The following HIVEP3 variants were observed in gnomAD, a reference collection of about 807,000 sequenced individuals.
The protein encoded by HIVEP3 is HIVEP zinc finger 3.
Under a neutral mutation model 152.8 loss-of-function variants are expected in HIVEP3, and 49 were observed. The ratio of observed to expected loss-of-function variants is 0.32; its 90% CI spans 0.26 to 0.41. The LOEUF is 0.41. Ranked by LOEUF, HIVEP3 falls within the 10% of genes least tolerant of loss-of-function variation. The pLI, the probability that HIVEP3 is intolerant of heterozygous loss-of-function variation, is 1.00. For missense variants in HIVEP3, 2,790 were observed against 3,103.3 expected (o/e 0.90, Z 2.40); for synonymous variants, 1,269 against 1,289.0 (o/e 0.98, Z 0.33).
rs1382886199 is a variant in HIVEP3, at chr1:41,970,003, A to C, written n.120-51479T>G. ...AAACCACAATGAGATACCATTTCAC[A>C]TGAGTTAGAATGGTGATTATTAAAA... On this transcript the variant is annotated intron_variant and non_coding_transcript_variant, in intron 1 of 3. Coordinates refer to the HIVEP3 transcript ENST00000489103. Among the ~76,000 whole-genome samples, 9 of 152,360 alleles carry C rather than the reference A, an allele frequency of 5.9e-5. No homozygotes were observed. In the East Asian group the frequency reaches 1.7e-3, roughly 29 times the overall value.
chr1:41,706,212 C>T (rs1001130539), intron 1 of HIVEP3, among the ~76,000 whole-genome samples: 7 of 152,190 alleles, frequency 4.6e-5, no homozygotes, highest in Non-Finnish European at 1.0e-4. Flanking sequence ...TACCCCCTTT[C>T]CTCCCTGTCC....
intron 1 of HIVEP3, among the ~76,000 whole-genome samples, chr1:41,712,320 C>G (rs1229285020): frequency 6.6e-6 from 1 of 152,222 alleles, no homozygotes; most frequent in East Asian, 1.9e-4. Context: ...AAAGATGCGC[C>G]CACTGCTTGT....
chr1:41,888,202 ATTTT>A (rs61561436), intron 1 of HIVEP3, among the ~76,000 whole-genome samples: 3,653 of 99,248 alleles, frequency 0.037, 73 homozygotes, highest in African/African-American at 0.078. Flanking sequence ...CGCCCGGCTA[ATTTT>A]TTTTTTTTTT....
chr1:41,600,628 C>T (rs552900103), intron 3 of HIVEP3, among the ~76,000 whole-genome samples: 7 of 152,110 alleles, frequency 4.6e-5, no homozygotes, highest in South Asian at 2.1e-4. Flanking sequence ...AGATTGGTTG[C>T]GCAGCAATGT....
intron 1 of HIVEP3, among the ~76,000 whole-genome samples, chr1:42,004,163 G>A (rs1484860542): frequency 6.6e-6 from 1 of 152,148 alleles, no homozygotes; most frequent in Non-Finnish European, 1.5e-5. Flanking sequence ...GGAAAGAGGA[G>A]AGGAAAACAA....
At position 41,575,182 on chromosome 1, in the gene HIVEP3, T is replaced by C. The variant is rs114803334; in HGVS notation, c.5207+362A>G. On this transcript the variant is annotated intron_variant, in intron 5 of 8. Transcript: ENST00000372583. ...CAGTACAGAGATGACTTTTGGAGAA[T>C]ACATGTCAAGAGAGACAGAAGTCTG... Among the ~76,000 whole-genome samples the C allele has an allele frequency of 7.4e-3, 1,125 of 152,208 alleles. 17 individuals are homozygous for C. Among genetic ancestry groups the C allele is most frequent in the African/African-American group, 0.026 (1,090 of 41,512 alleles).
chr1:41,584,051 G>T lies in HIVEP3; in HGVS notation c.747C>A (p.Gly249=). The T allele has an allele frequency of 6.2e-7, 1 of 1,614,200 alleles. No individual in the cohort carries two copies. Residue 249 remains glycine, a synonymous_variant, in exon 4 of 9, where the codon GGC becomes GGA. Coordinates refer to ENST00000372583, the MANE Select transcript of HIVEP3 (RefSeq NM_024503.5). This position sits in a 1 kb window ranked among gnomAD's most constrained non-coding sequence, Gnocchi z 5.2. The stretch of plus-strand genomic sequence containing the variant: ...TCTCGCCACCCATGCCTGAGGCCAG[G>T]CCTGCTTTGATGCGGTGGGCATGGG... The part of the protein sequence containing the change: ...RKSHAHRIKA[G]LASGMGGEMY...
intron 1 of HIVEP3, among the ~76,000 whole-genome samples, chr1:42,013,402 G>T (rs1309169191): frequency 1.3e-5 from 2 of 152,148 alleles, no homozygotes; most frequent in Non-Finnish European, 2.9e-5. Flanking sequence ...TTTCTTCAAA[G>T]ATTTGCTTTT....
intron 1 of HIVEP3, among the ~76,000 whole-genome samples, chr1:41,706,012 C>T (rs540478681): frequency 2.1e-4 from 32 of 152,290 alleles, no homozygotes; most frequent in African/African-American, 7.7e-4. Flanking sequence ...CATGCAAACA[C>T]ATGGAAAGGG....
intron 1 of HIVEP3, among the ~76,000 whole-genome samples, chr1:41,929,722 G>T (rs1293881723): frequency 2.7e-5 from 1 of 37,630 alleles, no homozygotes; most frequent in Admixed American, 2.4e-4. Flanking sequence ...GTGTATATGT[G>T]TTTTTATATA....
At chr1:41,720,957 G>A (rs1467548250) in intron 1 of HIVEP3, among the ~76,000 whole-genome samples, 1 of 152,224 alleles carries the variant, frequency 6.6e-6, no homozygotes, top group African/African-American at 2.4e-5. Context: ...GACAGATACT[G>A]CATAATTCCA....
intron 1 of HIVEP3, among the ~76,000 whole-genome samples, chr1:41,882,999 G>C (rs1476812095): frequency 6.6e-6 from 1 of 152,082 alleles, no homozygotes; most frequent in Non-Finnish European, 1.5e-5. Flanking sequence ...TCTAGGAGCG[G>C]GGAGCCAGCT....
intron 3 of HIVEP3, among the ~76,000 whole-genome samples, chr1:41,614,043 C>T (rs1293769775): frequency 6.6e-6 from 1 of 152,196 alleles, no homozygotes; most frequent in Non-Finnish European, 1.5e-5. Flanking sequence ...TGAGATCACG[C>T]AGGTTGGAGC....
chr1:41,767,207 C>T (rs1366193723), intron 1 of HIVEP3, among the ~76,000 whole-genome samples: 2 of 152,200 alleles, frequency 1.3e-5, no homozygotes, highest in Non-Finnish European at 2.9e-5. Flanking sequence ...ACTCCTCCCT[C>T]TGGGCCCCAA....
At chr1:41,978,937 G>A (rs1645279572) in intron 1 of HIVEP3, among the ~76,000 whole-genome samples, 5 of 152,122 alleles carry the variant, frequency 3.3e-5, no homozygotes, top group Admixed American at 3.3e-4. Context: ...GTTGAGGACA[G>A]GAACTGCATT....
At chr1:41,820,517 C>T (rs1348684401) in intron 1 of HIVEP3, among the ~76,000 whole-genome samples, 2 of 152,198 alleles carry the variant, frequency 1.3e-5, no homozygotes, top group Non-Finnish European at 2.9e-5. Context: ...TACATGGTCA[C>T]TTTTAAAAAA....
At position 41,885,117 on chromosome 1, in the gene HIVEP3, G is replaced by A. The variant is rs995502181; in HGVS notation, c.-801+33296C>T. ...TCTCATATTGCTCAGAATCTCCTCT[G>A]AGCTTCACATAACTCAGGCACAATC... On this transcript the variant is annotated intron_variant, in intron 1 of 8. Coordinates refer to ENST00000372583, the MANE Select transcript of HIVEP3 (RefSeq NM_024503.5). 8.5e-5 allele frequency among the ~76,000 whole-genome samples: 13 copies of A among 152,116 alleles called. No individual in the cohort carries two copies. In the East Asian group the frequency reaches 2.5e-3, roughly 29 times the overall value.
At chr1:41,565,091 A>G (rs1644140081) in intron 5 of HIVEP3, among the ~76,000 whole-genome samples, 1 of 152,264 alleles carries the variant, frequency 6.6e-6, no homozygotes, top group African/African-American at 2.4e-5. Context: ...ACAAATGTAT[A>G]GAAAACAAAG....
chr1:41,615,048 G>A (rs1034091411), intron 3 of HIVEP3, among the ~76,000 whole-genome samples: 3 of 152,186 alleles, frequency 2.0e-5, no homozygotes, highest in African/African-American at 4.8e-5. Context: ...TCCTGTTTGG[G>A]AAACGTTGTG....
Sources: gnomAD v4.1 joint callset for allele counts (sites outside exome capture counted in the v4.1 genomes callset) on GRCh38, gnomAD v4.1.1 for gene constraint, Gnocchi (gnomAD v3.1) non-coding constraint, MANE v1.5 for transcripts, NCBI Gene and HGNC (gene_info 2026-07-23, HGNC 2026-07-21) for gene names.